HSD17B7: variants seen among roughly 807,000 people sequenced by gnomAD.
The protein encoded by HSD17B7 is hydroxysteroid 17-beta dehydrogenase 7, also known as 3-keto-steroid reductase/17-beta-hydroxysteroid dehydrogenase 7.
A neutral mutation model predicts 34.1 loss-of-function variants in HSD17B7; 17 were observed. The observed-to-expected ratio is 0.50, with a 90% CI of 0.34 to 0.75. HSD17B7 has a LOEUF of 0.75. Among genes scored for constraint, HSD17B7 ranks in the 30% least tolerant of loss-of-function variants. HSD17B7 has a pLI of 0.01. For missense variants in HSD17B7, 296 were observed against 406.6 expected, an observed-to-expected ratio of 0.73 and a Z score of 2.34; for synonymous variants, 122 against 154.6, an observed-to-expected ratio of 0.79 and a Z score of 1.56.
intron 8 of HSD17B7, among the ~76,000 whole-genome samples, chr1:162,810,496 G>A (rs1649139345): frequency 6.6e-6 from 1 of 152,110 alleles, no homozygotes; most frequent in African/African-American, 2.4e-5. Context: ...TTCAATTCCT[G>A]GATATCCTTG....
intron 8 of HSD17B7, among the ~76,000 whole-genome samples, chr1:162,809,758 G>C (rs1305141798): frequency 6.6e-6 from 1 of 152,032 alleles, no homozygotes; most frequent in Non-Finnish European, 1.5e-5. Flanking sequence ...TTGCGTAGAG[G>C]TGTTTATAGT....
chr1:162,792,827 G>T lies in HSD17B7; in HGVS notation c.204G>T (p.Gln68His), dbSNP rs1207765869. 6.2e-7 allele frequency: 1 copy of T among 1,614,090 alleles called. No individual in the cohort carries two copies. Among genetic ancestry groups the T allele is most frequent in the Non-Finnish European group, 8.5e-7 (1 of 1,180,048 alleles). Residue 68 changes from glutamine (Q) to histidine (H), a missense_variant, in exon 2 of 9, where the codon CAG becomes CAT. Coordinates refer to ENST00000254521, the MANE Select transcript of HSD17B7 (RefSeq NM_016371.4). ...TCCAGGTGGATGTCAGCAACCTGCA[G>T]TCGGTCTTCCGGGCCTCCAAGGAAC... is the stretch of plus-strand genomic sequence containing the variant. ...TIVQVDVSNL[Q>H]SVFRASKELK...
At chr1:162,807,406 C>G (rs1364737085) in intron 8 of HSD17B7, among the ~76,000 whole-genome samples, 2 of 152,198 alleles carry the variant, frequency 1.3e-5, no homozygotes, top group Non-Finnish European at 2.9e-5. Context: ...CAAGTCTTTG[C>G]TACTGTGAAT....
At chr1:162,793,189 C>T (rs1464574278) in intron 2 of HSD17B7, 2 of 224,780 alleles carry the variant, frequency 8.9e-6, no homozygotes, top group Admixed American at 1.0e-4. Context: ...CATGCGCCAC[C>T]ATGCCTGGTT....
Position 162,812,355 on chromosome 1 carries a change from A to G in HSD17B7, c.961A>G (p.Lys321Glu), listed in dbSNP as rs2684875. 69,750 of 1,611,622 alleles carry G rather than the reference A, an allele frequency of 0.043. 2,051 individuals carry two copies. The highest frequency in any genetic ancestry group is 0.1 in the South Asian group (9,380 of 90,666). ...KFYQKLLELE[K>E]HIRVTIQKTD... ...TTATCAAAAGTTACTGGAACTGGAA[A>G]AGCACATTAGGGTCACTATTCAAAA... The change falls in exon 9 of 9, where the codon AAG becomes GAG. Residue 321 changes from lysine (K) to glutamate (E), a missense_variant. By Grantham distance (56) the Lys-to-Glu change is moderately conservative. Coordinates refer to ENST00000254521, the MANE Select transcript of HSD17B7 (RefSeq NM_016371.4).
At chr1:162,790,944 G>C in intron 1 of HSD17B7, 109 bp downstream of exon 1, 1 of 765,974 alleles carries the variant, frequency 1.3e-6, no homozygotes, top group Non-Finnish European at 2.3e-6. Flanking sequence ...CCCTGGCTTT[G>C]CCTAGGTTCC....
chr1:162,805,158 G>A (rs867925458), intron 7 of HSD17B7, among the ~76,000 whole-genome samples: 10 of 152,214 alleles, frequency 6.6e-5, no homozygotes, highest in Non-Finnish European at 1.3e-4. Context: ...GTTTTGGTAA[G>A]TGTTACAGAA....
rs990139239 is a variant in HSD17B7, at chr1:162,804,147, G to T, written c.748-120G>T. On this transcript the variant is annotated intron_variant, in intron 6 of 8. Transcript: ENST00000254521. ...TTCTTTTTTGACTTCTTTATTTTTT[G>T]TTACTTAAAAAGTGTTCTATAATCA... 41 of 599,834 alleles carry T rather than the reference G, an allele frequency of 6.8e-5. No individual in the cohort carries two copies. In the Middle Eastern group the frequency reaches 1.8e-3, roughly 26 times the overall value. 37.2% of individuals were successfully genotyped at this position (599,834 alleles called of 1,614,324 possible).
chr1:162,808,471 G>GA (rs1649063066), intron 8 of HSD17B7, among the ~76,000 whole-genome samples: 1 of 152,150 alleles, frequency 6.6e-6, no homozygotes, highest in Non-Finnish European at 1.5e-5. Flanking sequence ...GGTTCCATAT[G>GA]AACTTGAAAG....
rs1329039249 is a variant in HSD17B7, at chr1:162,803,472, C to A, written c.684C>A (p.Thr228=). Residue 228 remains threonine (T), a synonymous_variant, in exon 6 of 9, where the codon ACC becomes ACA. Transcript: ENST00000254521. ...TGGCCTGTCCAGGTACAGCATTGAC[C>A]AATTTGACATATGGAATTCTGCCTC... The part of the protein sequence containing the change: ...SNVACPGTAL[T]NLTYGILPPF... The A allele has an allele frequency of 1.8e-5, 29 of 1,612,950 alleles. No individual in the cohort carries two copies. Among genetic ancestry groups the A allele is most frequent in the Non-Finnish European group, 2.4e-5 (28 of 1,179,272 alleles).
chr1:162,804,270 C>T lies in HSD17B7; in HGVS notation c.751C>T (p.Arg251Cys), dbSNP rs753578254. 13 of 1,608,086 alleles carry T rather than the reference C, an allele frequency of 8.1e-6. No individual in the cohort carries two copies. Among genetic ancestry groups the T allele is most frequent in the South Asian group, 3.4e-5 (3 of 89,452 alleles). ...TLLMPAILLL[R>C]FFANAFTLTP... is the part of the protein sequence containing the mutation. ...ACAGTTGTTTTCTTTTCCGCAGCTT[C>T]GCTTTTTTGCAAATGCATTCACTTT... The change falls in exon 7 of 9, where the codon CGC (arginine) becomes TGC (cysteine). Residue 251 changes from arginine to cysteine, a missense_variant. Coordinates refer to ENST00000254521, the MANE Select transcript of HSD17B7 (RefSeq NM_016371.4).
At position 162,805,333 on chromosome 1, in the gene HSD17B7, C is replaced by T. The variant is rs1030837092; in HGVS notation, c.805-61C>T. On this transcript the variant is annotated intron_variant, in intron 7 of 8. Transcript: ENST00000254521. The stretch of plus-strand genomic sequence containing the variant: ...TCTATAAAGTGCAGATTGTGAATCT[C>T]CACCAGCCTCACTCATCTTGGGCAG... 105 of 1,590,272 alleles carry T rather than the reference C, an allele frequency of 6.6e-5. 1 individual carries two copies. The Middle Eastern group carries it at 2.4e-3, about 36-fold the overall frequency.
chr1:162,808,129 C>T (rs1418886997), intron 8 of HSD17B7, among the ~76,000 whole-genome samples: 5 of 152,018 alleles, frequency 3.3e-5, no homozygotes, highest in South Asian at 2.1e-4. Flanking sequence ...TAATCCATCT[C>T]GAATTAATTT....
intron 6 of HSD17B7, among the ~76,000 whole-genome samples, 190 bp downstream of exon 6, chr1:162,803,725 A>T (rs1361297317): frequency 6.6e-6 from 1 of 152,222 alleles, no homozygotes; most frequent in African/African-American, 2.4e-5. Context: ...CCACCATTTG[A>T]GTGTCTACTT....
chr1:162,794,743 C>T (rs1648542054), intron 2 of HSD17B7, among the ~76,000 whole-genome samples: 1 of 152,010 alleles, frequency 6.6e-6, no homozygotes, highest in Non-Finnish European at 1.5e-5. Flanking sequence ...AGAAAAGAAC[C>T]TTCATTTCCC....
Position 162,795,017 on chromosome 1 carries a change from A to C in HSD17B7, c.240-1568A>C, listed in dbSNP as rs574732592. Reference sequence around the variant, plus strand: ...CAGCATTTTAGTGAAGTTTTGAGGTATTTAGTCCGCAAAACAGCCTTTTTT... The same window carrying C: ...CAGCATTTTAGTGAAGTTTTGAGGTCTTTAGTCCGCAAAACAGCCTTTTTT... On this transcript the variant is annotated intron_variant, in intron 2 of 8. Coordinates refer to ENST00000254521, the MANE Select transcript of HSD17B7 (RefSeq NM_016371.4). Among the ~76,000 whole-genome samples, 12 of 152,340 alleles carry C rather than the reference A, an allele frequency of 7.9e-5. No individual in the cohort carries two copies. The South Asian group carries it at 2.5e-3, about 32-fold the overall frequency.
At chr1:162,802,746 T>C (rs1256901687) in intron 5 of HSD17B7, among the ~76,000 whole-genome samples, 1 of 152,176 alleles carries the variant, frequency 6.6e-6, no homozygotes, top group Non-Finnish European at 1.5e-5. Context: ...AGAGGCATGA[T>C]CCCAGGGCTC....
At chr1:162,806,334 G>A (rs1029779963) in intron 8 of HSD17B7, among the ~76,000 whole-genome samples, 10 of 152,250 alleles carry the variant, frequency 6.6e-5, no homozygotes, top group African/African-American at 2.2e-4. Flanking sequence ...TGTTAGTAGC[G>A]TGAGTTAAAA....
intron 8 of HSD17B7, among the ~76,000 whole-genome samples, chr1:162,808,504 G>A (rs1649064141): frequency 6.6e-6 from 1 of 152,220 alleles, no homozygotes; most frequent in African/African-American, 2.4e-5. Context: ...ATTCTGTGAA[G>A]AAAGTCATTG....
Sources: gnomAD v4.1 joint callset for allele counts (sites outside exome capture counted in the v4.1 genomes callset) on GRCh38, gnomAD v4.1.1 for gene constraint, MANE v1.5 for transcripts, NCBI Gene and HGNC (gene_info 2026-07-23, HGNC 2026-07-21) for gene names.